Variants in ATP13A2 observed in about 807,000 individuals in gnomAD.
ATP13A2 encodes polyamine-transporting ATPase 13A2.
A neutral mutation model predicts 138.3 loss-of-function variants in ATP13A2; 83 were observed. That is an observed-to-expected ratio of 0.60 (90% CI 0.50 to 0.72). The LOEUF (loss-of-function observed/expected upper bound fraction) is 0.72. Ranked by LOEUF, ATP13A2 falls within the 30% of genes least tolerant of loss-of-function variation. ATP13A2 has a pLI of 0.00. For synonymous variants in ATP13A2, 663 were observed against 699.0 expected, an observed-to-expected ratio of 0.95 and a Z score of 0.81; for missense variants, 1,402 against 1,606.4, an observed-to-expected ratio of 0.87 and a Z score of 2.17.
In ATP13A2 at chr1:16,988,353, C is replaced by T; in HGVS notation, c.2731G>A (p.Ala911Thr). 1 of 1,614,186 alleles carries T rather than the reference C, an allele frequency of 6.2e-7. No homozygotes were observed. The highest frequency in any genetic ancestry group is 2.2e-5 in the East Asian group (1 of 44,886). Residue 911 changes from alanine to threonine, a missense_variant, in exon 24 of 29, where the codon GCC becomes ACC. Ala to Thr is a moderately conservative substitution (Grantham distance 58, BLOSUM62 0). Transcript: ENST00000326735. ...ACCATGGGCACGCACTCAATACTGG[C>T]CATGCTCGAGGTGAAGGGTGAGACC... ...SVVSPFTSSM[A>T]SIECVPMVIR...
chr1:16,989,648 A>C (rs761130666), intron 23 of ATP13A2, 43 bp downstream of exon 23: 4 of 1,592,706 alleles, frequency 2.5e-6, no homozygotes, highest in Non-Finnish European at 3.4e-6. Context: ...GGACAAGCTC[A>C]GTCTCCGCAG....
At chr1:16,999,314 A>C (rs2077255738) in intron 11 of ATP13A2, among the ~76,000 whole-genome samples, 1 of 128,628 alleles carries the variant, frequency 7.8e-6, no homozygotes, top group South Asian at 2.6e-4. Context: ...CAGGAGGTGG[A>C]GGTTGCAGTG....
chr1:17,000,672 TC>T, intron 8 of ATP13A2, 138 bp from the exon 9 acceptor site: 1 of 1,161,484 alleles, frequency 8.6e-7, no homozygotes, highest in East Asian at 2.6e-5. Context: ...TCCTGGTCAA[TC>T]CCATCCCCAC....
At chr1:16,989,107 G>C (rs868606646) in intron 23 of ATP13A2, among the ~76,000 whole-genome samples, 3 of 151,348 alleles carry the variant, frequency 2.0e-5, no homozygotes, top group South Asian at 2.1e-4. Context: ...GTAGAGACAG[G>C]GTTTCACCAT....
At position 16,996,164 on chromosome 1, in the gene ATP13A2, C is replaced by T. The variant is rs2100884422; in HGVS notation, c.1354G>A (p.Val452Met). The T allele has an allele frequency of 1.2e-6, 2 of 1,614,176 alleles. No individual in the cohort carries two copies. Among genetic ancestry groups the T allele is most frequent in the Non-Finnish European group, 8.5e-7 (1 of 1,180,040 alleles). The change falls in exon 15 of 29, where the codon GTG becomes ATG. Residue 452 changes from valine (V) to methionine (M), a missense_variant and splice_region_variant. Physicochemically the swap from Val to Met is conservative, Grantham distance 21. Transcript: ENST00000326735. ...CGGATTACAATCTCATTCAGAGGCA[C>T]CTGGCAGGGGGCACCATGAATGTGA... ...YSIFILYRNR[V>M]PLNEIVIRAL...
chr1:16,994,184 GCT>G (rs144710370), intron 15 of ATP13A2, among the ~76,000 whole-genome samples: 1 of 148,392 alleles, frequency 6.7e-6, no homozygotes, highest in Non-Finnish European at 1.5e-5. Context: ...CGGTTGGCTC[GCT>G]CTCTCTCTCT....
chr1:16,985,964 A>G lies in ATP13A2; in HGVS notation c.*257T>C. On this transcript the variant is annotated 3_prime_UTR_variant, in exon 29 of 29. Transcript: ENST00000326735. ...ACAAGACAGGCACAGCAGAGCCAGG[A>G]AAATATCATGACTTTATTTGCTACA... 1.4e-6 allele frequency: 2 copies of G among 1,440,420 alleles called. No homozygotes were observed. 89.2% of individuals were successfully genotyped at this position (1,440,420 alleles called of 1,614,324 possible).
rs2076703476 is a variant in ATP13A2, at chr1:16,986,044, A to G, written c.*177T>C. On this transcript the variant is annotated 3_prime_UTR_variant, in exon 29 of 29. Transcript: ENST00000326735. This position sits in a 1 kb window ranked among gnomAD's most constrained non-coding sequence, Gnocchi z 6.9. ...CTGCCACCCCTACGCGGGATGGTCC[A>G]AGGTAGGGGACAGTAGTCAACGCTT... 3 of 1,489,372 alleles carry G rather than the reference A, an allele frequency of 2.0e-6. No individual in the cohort carries two copies. Among genetic ancestry groups the G allele is most frequent in the Non-Finnish European group, 2.7e-6 (3 of 1,117,538 alleles). 92.3% of individuals were successfully genotyped at this position (1,489,372 alleles called of 1,614,324 possible). A position where few individuals can be genotyped will look rare whatever the true frequency, so the allele number is the denominator to read the frequency against.
rs549260915 is a variant in ATP13A2 at position 17,010,091 on chromosome 1, C to A, written c.10+1638G>T. 1.1e-3 allele frequency among the ~76,000 whole-genome samples: 166 copies of A among 148,420 alleles called. 1 individual carries two copies. The highest frequency in any genetic ancestry group is 3.9e-3 in the African/African-American group (155 of 40,106). ...TTTTTGAGATGGAGTCTTCCCCCCC[C>A]GTTCCCCCCTTCCCCCCTGCCCGTC... On this transcript the variant is annotated intron_variant, in intron 1 of 28. Transcript: ENST00000326735.
At position 16,986,695 on chromosome 1, in the gene ATP13A2, T is replaced by A; in HGVS notation, c.3236-63A>T. The A allele has an allele frequency of 6.4e-7, 1 of 1,569,318 alleles. No individual in the cohort carries two copies. The highest frequency in any genetic ancestry group is 8.6e-7 in the Non-Finnish European group (1 of 1,162,194). On this transcript the variant is annotated intron_variant, in intron 27 of 28. Coordinates refer to ENST00000326735, the MANE Select transcript of ATP13A2 (RefSeq NM_022089.4). This position sits in a 1 kb window ranked among gnomAD's most constrained non-coding sequence, Gnocchi z 6.9. The stretch of plus-strand genomic sequence containing the variant: ...CCCCCGGCACCCACAGACACACGTG[T>A]GCACGCCAGTCTTCCACTCGGCCGG...
chr1:17,009,099 A>G (rs9435669), intron 1 of ATP13A2, among the ~76,000 whole-genome samples: 4 of 152,158 alleles, frequency 2.6e-5, no homozygotes, highest in Non-Finnish European at 5.9e-5. Flanking sequence ...GACAAACGAG[A>G]GCACTGAGCC....
At chr1:17,008,105 G>T (rs1297401648) in intron 1 of ATP13A2, among the ~76,000 whole-genome samples, 1 of 152,172 alleles carries the variant, frequency 6.6e-6, no homozygotes, top group Admixed American at 6.5e-5. Flanking sequence ...AAAGTGCTGG[G>T]ATTACAGGCG....
At position 17,005,073 on chromosome 1, in the gene ATP13A2, C is replaced by T. The variant is rs1209003660; in HGVS notation, c.289-1G>A. The T allele has an allele frequency of 8.1e-6, 13 of 1,614,006 alleles. No individual in the cohort carries two copies. The highest frequency in any genetic ancestry group is 1.1e-5 in the Non-Finnish European group (13 of 1,180,034). Reference sequence around the variant, plus strand: ...CAGTGAAGAGCTGCCAGGAACTATCCTGGAACACAGAGGTATGGACTCAGT... The same window carrying T: ...CAGTGAAGAGCTGCCAGGAACTATCTTGGAACACAGAGGTATGGACTCAGT... On this transcript the variant is annotated splice_acceptor_variant, in intron 3 of 28. Transcript: ENST00000326735. LOFTEE classifies it high-confidence loss of function.
rs913018269 is a variant in ATP13A2 at position 16,996,401 on chromosome 1, C to T, written c.1291G>A (p.Ala431Thr). The change falls in exon 13 of 29, where the codon GCC (alanine) becomes ACC (threonine). Residue 431 changes from alanine (A) to threonine (T), a missense_variant. Physicochemically the swap from Ala to Thr is moderately conservative, Grantham distance 58 (BLOSUM62 0). Coordinates refer to ENST00000326735, the MANE Select transcript of ATP13A2 (RefSeq NM_022089.4). ...GGCCACTCACCCAGGACAGAGAGGG[C>T]AGCCACAAACTTCATGCTGTGTTTA... ...FYKHSMKFVA[A>T]LSVLALLGTI... 1.8e-5 allele frequency: 29 copies of T among 1,614,098 alleles called. No individual in the cohort carries two copies. Among genetic ancestry groups the T allele is most frequent in the East Asian group, 6.7e-5 (3 of 44,868 alleles).
intron 11 of ATP13A2, among the ~76,000 whole-genome samples, chr1:16,999,764 G>T (rs915528402): frequency 1.4e-4 from 21 of 152,282 alleles, no homozygotes; most frequent in African/African-American, 5.1e-4. Context: ...AGCTGGGCGT[G>T]ATGGTATGCA....
chr1:17,007,576 G>A (rs2077607152), intron 1 of ATP13A2, among the ~76,000 whole-genome samples: 2 of 132,712 alleles, frequency 1.5e-5, no homozygotes, highest in Non-Finnish European at 3.1e-5. Context: ...TTTTGAGAGC[G>A]AGTCTCGCTC....
At chr1:16,992,456 C>A in intron 17 of ATP13A2, 30 bp downstream of exon 17, 1 of 1,613,786 alleles carries the variant, frequency 6.2e-7, no homozygotes, top group Non-Finnish European at 8.5e-7. Flanking sequence ...ACCCCTCTGC[C>A]CTGCACCCAA....
chr1:17,002,393 G>C lies in ATP13A2; in HGVS notation c.558-20C>G. ...AGGAGGCTGGGGGTGGGTGCGAGGG[G>C]ACACGCATGGGCCATGGGGCCTGAG... is the stretch of plus-strand genomic sequence containing the variant. On this transcript the variant is annotated intron_variant, in intron 6 of 28. Coordinates refer to ENST00000326735, the MANE Select transcript of ATP13A2 (RefSeq NM_022089.4). 2.5e-6 allele frequency: 4 copies of C among 1,610,108 alleles called. No homozygotes were observed. Among genetic ancestry groups the C allele is most frequent in the Non-Finnish European group, 3.4e-6 (4 of 1,178,740 alleles).
Position 16,987,201 on chromosome 1 carries a change from C to G in ATP13A2, c.2928G>C (p.Val976=), listed in dbSNP as rs1238100439. ...IDLVITTTVA[V]LMSRTGPALV... is the part of the protein sequence containing the mutation. ...GCGCTGGCCCCGTGCGGCTCATGAGCACTGCCACTGTGGTGGTGATGACCA... is the reference window on the plus strand; with the variant it reads ...GCGCTGGCCCCGTGCGGCTCATGAGGACTGCCACTGTGGTGGTGATGACCA... The change falls in exon 26 of 29, where the codon GTG becomes GTC. Residue 976 remains valine (V), a synonymous_variant. Coordinates refer to ENST00000326735, the MANE Select transcript of ATP13A2 (RefSeq NM_022089.4). 6.2e-7 allele frequency: 1 copy of G among 1,613,720 alleles called. No individual in the cohort carries two copies. Among genetic ancestry groups the G allele is most frequent in the Non-Finnish European group, 8.5e-7 (1 of 1,179,874 alleles).
Sources: gnomAD v4.1 joint callset for allele counts (sites outside exome capture counted in the v4.1 genomes callset) on GRCh38, gnomAD v4.1.1 for gene constraint, Gnocchi (gnomAD v3.1) non-coding constraint, MANE v1.5 for transcripts, NCBI Gene and HGNC (gene_info 2026-07-23, HGNC 2026-07-21) for gene names.